The following URB1 variants were observed in gnomAD, a reference collection of about 807,000 sequenced individuals.
URB1 encodes URB1 ribosome biogenesis factor, also known as nucleolar pre-ribosomal-associated protein 1.
A neutral mutation model predicts 242.3 loss-of-function variants in URB1; 197 were observed. That is an observed-to-expected ratio of 0.81 (90% confidence interval 0.72 to 0.91). The LOEUF (loss-of-function observed/expected upper bound fraction) is 0.91. URB1 is among the 40% of genes least tolerant of loss of function. The probability of loss-of-function intolerance (pLI) is 0.00; values close to 1 mark genes in which losing one functional copy is unlikely to be tolerated. For synonymous variants in URB1, 1,153 were observed against 1,201.8 expected, an observed-to-expected ratio of 0.96 and a Z score of 0.84; for missense variants, 2,721 against 2,860.5, an observed-to-expected ratio of 0.95 and a Z score of 1.11.
intron 20 of URB1, 89 bp downstream of exon 20, chr21:32,350,615 G>A: frequency 4.9e-6 from 7 of 1,417,990 alleles, no homozygotes; most frequent in Non-Finnish European, 6.7e-6. Flanking sequence ...GGGAGCAAGA[G>A]TGTGCTGGGC....
rs541964257 is a variant in URB1, at chr21:32,338,617, C to T, written c.4510+90G>A. On this transcript the variant is annotated intron_variant, in intron 26 of 38. Coordinates refer to ENST00000382751, the MANE Select transcript of URB1 (RefSeq NM_014825.3). ...GCAATGCTTCCTTAGCTCCGAGAGCCGGAGGGAGATGAGCCTCAGTGCAGC... is the reference window on the plus strand; with the variant it reads ...GCAATGCTTCCTTAGCTCCGAGAGCTGGAGGGAGATGAGCCTCAGTGCAGC... The T allele has an allele frequency of 2.4e-5, 34 of 1,409,188 alleles. No homozygotes were observed. The South Asian group carries it at 2.6e-4, about 11-fold the overall frequency. 87.3% of individuals were successfully genotyped at this position (1,409,188 alleles called of 1,614,324 possible).
intron 35 of URB1, 99 bp downstream of exon 35, chr21:32,320,432 T>A (rs1325981402): frequency 1.0e-5 from 9 of 897,028 alleles, no homozygotes; most frequent in Non-Finnish European, 1.4e-5. Context: ...TGGATTTTAC[T>A]GGACATTTCC....
chr21:32,361,930 C>T lies in URB1; in HGVS notation c.1601G>A (p.Ser534Asn), dbSNP rs1568825339. Residue 534 changes from serine to asparagine, a missense_variant, in exon 12 of 39, where the codon AGC becomes AAC. Physicochemically the swap from Ser to Asn is conservative, Grantham distance 46. Transcript: ENST00000382751. ...KQDDKKGQKR[S>N]DGPPAACDAH... is the part of the protein sequence containing the mutation. ...ATCGCAGGCAGCCGGGGGCCCATCG[C>T]TCCTTTTCTGCCCTTTCTTGTCATC... The T allele has an allele frequency of 6.4e-7, 1 of 1,551,548 alleles. No homozygotes were observed. The highest frequency in any genetic ancestry group is 8.7e-7 in the Non-Finnish European group (1 of 1,146,866).
Position 32,363,146 on chromosome 21 carries a change from CA to C in URB1, c.1509+9del, listed in dbSNP as rs2033307797. ...CTGGAAGGAAAGCCCAAACCCAGAT[CA>C]GAGCCTACCTTGCTCAGGGCTTCTC... On this transcript the variant is annotated intron_variant, in intron 11 of 38. Coordinates refer to ENST00000382751, the MANE Select transcript of URB1 (RefSeq NM_014825.3). 2 of 1,549,496 alleles carry C rather than the reference CA, an allele frequency of 1.3e-6. No individual in the cohort carries two copies. Among genetic ancestry groups the C allele is most frequent in the African/African-American group, 2.7e-5 (2 of 72,998 alleles).
At chr21:32,351,918 C>T (rs1601139671) in intron 19 of URB1, among the ~76,000 whole-genome samples, 1 of 152,194 alleles carries the variant, frequency 6.6e-6, no homozygotes, top group Admixed American at 6.5e-5. Context: ...CTCTGGGCCT[C>T]GGTTTCCCCA....
rs1363788374 is a variant in URB1 at position 32,347,159 on chromosome 21, C to G, written c.3665G>C (p.Cys1222Ser). The change falls in exon 22 of 39, where the codon TGC becomes TCC. Residue 1222 changes from cysteine (C) to serine (S), a missense_variant. By Grantham distance (112) the Cys-to-Ser change is moderately radical. Transcript: ENST00000382751. The stretch of plus-strand genomic sequence containing the variant: ...GGCCGCCTGTGTGCGCCGGGCCAGG[C>G]AGTAGTCAAGCAGATCAGCCCCGAC... ...PAVGADLLDY[C>S]LARRTQAALS... 3 of 1,549,016 alleles carry G rather than the reference C, an allele frequency of 1.9e-6. No individual in the cohort carries two copies. Among genetic ancestry groups the G allele is most frequent in the Non-Finnish European group, 2.6e-6 (3 of 1,146,278 alleles).
rs1023479363 is a variant in URB1, at chr21:32,372,639, G to T, written c.877-8C>A. ...TGCTTCTTCGGCAGAAACCTATGAA[G>T]ATTTTTTAAAAATTCAATGAAAATC... is the stretch of plus-strand genomic sequence containing the variant. On this transcript the variant is annotated splice_region_variant and splice_polypyrimidine_tract_variant and intron_variant, in intron 7 of 38. Transcript: ENST00000382751. 1 of 1,543,644 alleles carries T rather than the reference G, an allele frequency of 6.5e-7. No individual in the cohort carries two copies. The highest frequency in any genetic ancestry group is 1.4e-5 in the African/African-American group (1 of 72,438).
Position 32,353,960 on chromosome 21 carries a change from A to T in URB1, c.2389T>A (p.Leu797Met), listed in dbSNP as rs373141671. 1 of 1,551,638 alleles carries T rather than the reference A, an allele frequency of 6.4e-7. No individual in the cohort carries two copies. Among genetic ancestry groups the T allele is most frequent in the Non-Finnish European group, 8.7e-7 (1 of 1,147,010 alleles). ...VPAALEARNK[L>M]LLGTGNEAAE... ...GCTTCATTGCCTGTCCCAAGGAGCA[A>T]CTTATTCCTGGCTTCCAGGGCCGCA... The change falls in exon 18 of 39, where the codon TTG (leucine) becomes ATG (methionine). Residue 797 changes from leucine (L) to methionine (M), a missense_variant. Transcript: ENST00000382751.
At chr21:32,366,815 A>C in intron 9 of URB1, 60 bp from the exon 10 acceptor site, 1 of 1,518,880 alleles carries the variant, frequency 6.6e-7, no homozygotes, top group Non-Finnish European at 8.9e-7. Context: ...ACCTGAGACT[A>C]GCTGTAGGCA....
chr21:32,370,158 T>C (rs1011187334), intron 8 of URB1, among the ~76,000 whole-genome samples: 1 of 151,980 alleles, frequency 6.6e-6, no homozygotes, highest in Non-Finnish European at 1.5e-5. Flanking sequence ...AGTCAAAACA[T>C]CCAGAAAATC....
In URB1 at chr21:32,334,235, G is replaced by A. The variant is rs1384955923; in HGVS notation, c.4785C>T (p.Arg1595=). The A allele has an allele frequency of 6.4e-7, 1 of 1,551,606 alleles. No individual in the cohort carries two copies. Among genetic ancestry groups the A allele is most frequent in the Admixed American group, 2.0e-5 (1 of 51,008 alleles). ...GCATCATCCGGTCCCGGTCCAGCAG[G>A]CGAAGGATGTCCCCGACACTCGGCT... ...WQQPSVGDIL[R]LLDRDRMMQT... Residue 1595 remains arginine (R), a synonymous_variant, in exon 29 of 39, where the codon CGC becomes CGT. Transcript: ENST00000382751.
At chr21:32,362,533 C>T (rs995877918) in intron 11 of URB1, among the ~76,000 whole-genome samples, 5 of 152,156 alleles carry the variant, frequency 3.3e-5, no homozygotes, top group Admixed American at 6.5e-5. Context: ...ATTTCTAGAA[C>T]TATACACAGT....
chr21:32,384,521 A>C (rs1052730740), intron 2 of URB1, 57 bp from the exon 3 acceptor site: 20 of 1,519,696 alleles, frequency 1.3e-5, no homozygotes, highest in Non-Finnish European at 1.7e-5. Flanking sequence ...CCTCCTGTAC[A>C]TATATGCTCC....
chr21:32,356,439 C>T (rs1225812839), intron 15 of URB1, among the ~76,000 whole-genome samples: 2 of 152,118 alleles, frequency 1.3e-5, no homozygotes, highest in Non-Finnish European at 1.5e-5. Flanking sequence ...GGCTACTCAT[C>T]GTTTATCCTC....
rs1170664135 is a variant in URB1 at position 32,384,415 on chromosome 21, C to G, written c.332G>C (p.Ser111Thr). 2 of 1,552,078 alleles carry G rather than the reference C, an allele frequency of 1.3e-6. No individual in the cohort carries two copies. Among genetic ancestry groups the G allele is most frequent in the South Asian group, 2.4e-5 (2 of 84,068 alleles). The change falls in exon 3 of 39, where the codon AGT (serine) becomes ACT (threonine). Residue 111 changes from serine to threonine, a missense_variant. By Grantham distance (58) the Ser-to-Thr change is moderately conservative (BLOSUM62 1). Transcript: ENST00000382751. ...VFEAILLRTA[S>T]DLSHFHVVGT... Reference sequence around the variant, plus strand: ...CACAACATGGAAATGTGAAAGATCACTTGCTGTCCGCAATAATATGGCCTC... The same window carrying G: ...CACAACATGGAAATGTGAAAGATCAGTTGCTGTCCGCAATAATATGGCCTC...
intron 31 of URB1, 58 bp from the exon 32 acceptor site, chr21:32,324,660 G>A: frequency 1.5e-6 from 2 of 1,327,764 alleles, no homozygotes; most frequent in Non-Finnish European, 2.1e-6. Flanking sequence ...GCTATGGTCA[G>A]TCCTCTCTGG....
At chr21:32,321,196 T>C (rs1425359505) in intron 34 of URB1, among the ~76,000 whole-genome samples, 3 of 152,260 alleles carry the variant, frequency 2.0e-5, no homozygotes, top group South Asian at 2.1e-4. Flanking sequence ...ATTTTACATA[T>C]GAGAAACAAA....
Position 32,385,516 on chromosome 21 carries a change from TTCA to T in URB1, c.282+26_282+28del, listed in dbSNP as rs1342603094. ...AACAGCAGCATTAACTTTTCTTCTC[TTCA>T]TCAAGCCATGTAAGGAACAACTTAC... On this transcript the variant is annotated intron_variant, in intron 2 of 38. Transcript: ENST00000382751. 3.2e-6 allele frequency: 5 copies of T among 1,540,596 alleles called. 1 individual carries two copies. The South Asian group carries it at 6.1e-5, about 19-fold the overall frequency.
chr21:32,378,856 GCCAC>G (rs1475644364), intron 4 of URB1, among the ~76,000 whole-genome samples: 7 of 152,068 alleles, frequency 4.6e-5, no homozygotes, highest in Non-Finnish European at 8.8e-5. Flanking sequence ...TCGTTTCTTG[GCCAC>G]TTTGGTGTAG....
Sources: gnomAD v4.1 joint callset for allele counts (sites outside exome capture counted in the v4.1 genomes callset) on GRCh38, gnomAD v4.1.1 for gene constraint, MANE v1.5 for transcripts, NCBI Gene and HGNC (gene_info 2026-07-23, HGNC 2026-07-21) for gene names.